Variants in CHRM2 observed in about 807,000 individuals in gnomAD.
The protein encoded by CHRM2 is muscarinic acetylcholine receptor M2.
A neutral mutation model predicts 25.0 loss-of-function variants in CHRM2; 8 were observed. The observed-to-expected ratio is 0.32, with a 90% CI of 0.19 to 0.58. The LOEUF is 0.58. Among genes scored for constraint, CHRM2 ranks in the 20% least tolerant of loss-of-function variants. The pLI is 0.88. For synonymous variants in CHRM2, 202 were observed against 205.7 expected (o/e 0.98, Z 0.15); for missense variants, 440 against 567.1 (o/e 0.78, Z 2.28).
intron 2 of CHRM2, among the ~76,000 whole-genome samples, chr7:136,878,610 A>G (rs1796138838): frequency 6.6e-6 from 1 of 151,920 alleles, no homozygotes; most frequent in Non-Finnish European, 1.5e-5. Flanking sequence ...CCACGAAATG[A>G]CAGCTGCTGT....
At chr7:136,982,263 C>T (rs1373502379) in intron 2 of CHRM2, among the ~76,000 whole-genome samples, 1 of 152,122 alleles carries the variant, frequency 6.6e-6, no homozygotes, top group South Asian at 2.1e-4. Flanking sequence ...ACTAGGATTG[C>T]AACCCCTACT....
chr7:136,899,414 T>C (rs1304534168), intron 2 of CHRM2: 1 of 152,122 alleles, frequency 6.6e-6, no homozygotes, highest in Non-Finnish European at 1.5e-5. Flanking sequence ...TGAGTTTTCA[T>C]ACAGGAGCTA....
chr7:136,997,154 T>A (rs1198796019), intron 3 of CHRM2, among the ~76,000 whole-genome samples: 1 of 152,146 alleles, frequency 6.6e-6, no homozygotes, highest in Non-Finnish European at 1.5e-5. Context: ...AAATAATGCA[T>A]TGATATATAC....
chr7:136,951,542 C>A (rs754683340), intron 2 of CHRM2, among the ~76,000 whole-genome samples: 3 of 152,082 alleles, frequency 2.0e-5, no homozygotes, highest in Non-Finnish European at 2.9e-5. Flanking sequence ...TGCATTCTTC[C>A]CTCTCTGATT....
chr7:137,011,194 C>CGTGTGTGTGTGT lies in CHRM2; in HGVS notation c.-46-3615_-46-3604dup, dbSNP rs146093146. 9.2e-4 allele frequency among the ~76,000 whole-genome samples: 126 copies of CGTGTGTGTGTGT among 136,300 alleles called. 2 individuals are homozygous for CGTGTGTGTGTGT. The highest frequency in any genetic ancestry group is 2.9e-3 in the African/African-American group (94 of 32,140). The allele number at this position is 136,300 out of a possible 152,430, so 89.4% of individuals were successfully genotyped here. On this transcript the variant is annotated intron_variant, in intron 3 of 3. Coordinates refer to ENST00000680005, the MANE Select transcript of CHRM2 (RefSeq NM_001006630.2). ...ACAGAACCAATAGGATATATGTGTA[C>CGTGTGTGTGTGT]GTGTGTGTGTGTGTGTGTGTGTATA...
At chr7:136,900,765 C>T (rs151165332) in intron 2 of CHRM2, among the ~76,000 whole-genome samples, 121 of 151,988 alleles carry the variant, frequency 8.0e-4, no homozygotes, top group African/African-American at 2.8e-3. Context: ...TGTAAACACC[C>T]GAGGCATTTT....
At chr7:136,875,671 C>T (rs1324701510) in intron 2 of CHRM2, among the ~76,000 whole-genome samples, 1 of 152,182 alleles carries the variant, frequency 6.6e-6, no homozygotes, top group Non-Finnish European at 1.5e-5. Context: ...GTTTAAAATT[C>T]TTCAGTGTTT....
At chr7:136,977,121 T>C (rs901006985) in intron 2 of CHRM2, among the ~76,000 whole-genome samples, 2 of 152,224 alleles carry the variant, frequency 1.3e-5, no homozygotes, top group African/African-American at 4.8e-5. Flanking sequence ...AGAGAAGCTC[T>C]CCACATGGCT....
In CHRM2 at chr7:136,917,891, T is replaced by A. The variant is rs149258556; in HGVS notation, c.-125+48473T>A. On this transcript the variant is annotated intron_variant, in intron 2 of 3. Coordinates refer to ENST00000680005, the MANE Select transcript of CHRM2 (RefSeq NM_001006630.2). Reference sequence around the variant, plus strand: ...AGTCAGATAGGATATGAATATTTTGTTTTGTTTTCCTGAGGTCTTACTCAT... The same window carrying A: ...AGTCAGATAGGATATGAATATTTTGATTTGTTTTCCTGAGGTCTTACTCAT... Among the ~76,000 whole-genome samples, 122 of 152,180 alleles carry A rather than the reference T, an allele frequency of 8.0e-4. No individual in the cohort carries two copies. In the East Asian group the frequency reaches 0.021, roughly 26 times the overall value.
At chr7:136,926,461 T>C (rs1798757337) in intron 2 of CHRM2, among the ~76,000 whole-genome samples, 1 of 152,182 alleles carries the variant, frequency 6.6e-6, no homozygotes, top group South Asian at 2.1e-4. Flanking sequence ...TGGAAATCCA[T>C]GCATTCTATT....
chr7:137,003,631 G>T (rs576600469), intron 3 of CHRM2, among the ~76,000 whole-genome samples: 1 of 152,050 alleles, frequency 6.6e-6, no homozygotes, highest in African/African-American at 2.4e-5. Flanking sequence ...ACTACTCACA[G>T]AATCCTACTC....
At chr7:136,879,411 C>A (rs1479445545) in intron 2 of CHRM2, among the ~76,000 whole-genome samples, 2 of 151,918 alleles carry the variant, frequency 1.3e-5, no homozygotes, top group Non-Finnish European at 2.9e-5. Context: ...AAGGGATAAA[C>A]CTGCTTGGAA....
intron 2 of CHRM2, among the ~76,000 whole-genome samples, chr7:136,975,906 T>C (rs1376468429): frequency 6.6e-6 from 1 of 152,148 alleles, no homozygotes; most frequent in Non-Finnish European, 1.5e-5. Context: ...GGTGTTCTCG[T>C]TCATATTTTC....
rs537597511 is a variant in CHRM2 at position 136,890,636 on chromosome 7, A to C, written c.-125+21218A>C. On this transcript the variant is annotated intron_variant, in intron 2 of 3. Transcript: ENST00000680005. ...CCCGCTGAGCTCCAGTGAGTACTAA[A>C]ACCCTATCGTGGAGGCTTCTAGCCT... 2.7e-4 allele frequency among the ~76,000 whole-genome samples: 41 copies of C among 152,262 alleles called. No individual in the cohort carries two copies. The South Asian group carries it at 4.6e-3, about 17-fold the overall frequency.
intron 2 of CHRM2, among the ~76,000 whole-genome samples, chr7:136,929,903 G>A (rs1178867672): frequency 6.6e-6 from 1 of 151,890 alleles, no homozygotes; most frequent in African/African-American, 2.4e-5. Flanking sequence ...AGTAAAAATA[G>A]GAAACAGTTA....
At chr7:136,897,284 C>T (rs1249304663) in intron 2 of CHRM2, among the ~76,000 whole-genome samples, 12 of 152,014 alleles carry the variant, frequency 7.9e-5, no homozygotes, top group Non-Finnish European at 1.5e-4. Context: ...AGAGGAGAAT[C>T]AGGGTAAGCT....
intron 2 of CHRM2, among the ~76,000 whole-genome samples, chr7:136,875,278 G>A (rs1225780867): frequency 5.9e-5 from 9 of 151,874 alleles, no homozygotes; most frequent in East Asian, 5.8e-4. Context: ...GGTGAGAAAC[G>A]TAGACGTTTT....
intron 2 of CHRM2, among the ~76,000 whole-genome samples, chr7:136,963,706 A>G (rs551938443): frequency 6.6e-6 from 1 of 152,302 alleles, no homozygotes; most frequent in South Asian, 2.1e-4. Context: ...TCACATTAGA[A>G]TCACTTTTAA....
chr7:136,961,314 G>A (rs892266247), intron 2 of CHRM2, among the ~76,000 whole-genome samples: 6 of 152,080 alleles, frequency 3.9e-5, no homozygotes, highest in African/African-American at 1.4e-4. Context: ...AGTGTTCTGG[G>A]CAAGTTTAAG....
Sources: gnomAD v4.1 joint callset for allele counts (sites outside exome capture counted in the v4.1 genomes callset) on GRCh38, gnomAD v4.1.1 for gene constraint, MANE v1.5 for transcripts, NCBI Gene and HGNC (gene_info 2026-07-23, HGNC 2026-07-21) for gene names.